Variants in NRXN1 observed in about 807,000 individuals in gnomAD.
NRXN1 encodes the protein neurexin-1.
NRXN1 carries 39 observed loss-of-function variants against 150.9 expected under a neutral mutation model. That is an observed-to-expected ratio of 0.26 (90% CI 0.20 to 0.34). The LOEUF (loss-of-function observed/expected upper bound fraction) is 0.34, where lower values mean the gene tolerates loss of function less well. NRXN1 is among the 10% of genes least tolerant of loss of function. NRXN1 has a pLI of 1.00. For synonymous variants in NRXN1, 924 were observed against 757.0 expected (o/e 1.22, Z -3.62); for missense variants, 1,815 against 1,949.9 (o/e 0.93, Z 1.30).
chr2:50,089,999 T>C (rs1699349837), intron 19 of NRXN1, among the ~76,000 whole-genome samples: 1 of 152,170 alleles, frequency 6.6e-6, no homozygotes, highest in Non-Finnish European at 1.5e-5. Flanking sequence ...TCCCAAGACA[T>C]CGATTCAGCA....
chr2:49,945,712 T>A (rs1672771695), intron 21 of NRXN1, among the ~76,000 whole-genome samples: 1 of 152,174 alleles, frequency 6.6e-6, no homozygotes, highest in Non-Finnish European at 1.5e-5. Flanking sequence ...ACAAGGGACA[T>A]GAACTCATCC....
intron 5 of NRXN1, among the ~76,000 whole-genome samples, chr2:50,637,084 A>AT (rs1415859453): frequency 2.0e-5 from 3 of 152,134 alleles, no homozygotes; most frequent in Non-Finnish European, 4.4e-5. Context: ...GGTTGGTGCT[A>AT]TATGTCCAAG....
chr2:50,640,741 A>T lies in NRXN1; in HGVS notation c.833-17126T>A, dbSNP rs535392197. Among the ~76,000 whole-genome samples the T allele has an allele frequency of 3.9e-5, 6 of 152,336 alleles. No individual in the cohort carries two copies. In the South Asian group the frequency reaches 1.2e-3, roughly 32 times the overall value. ...GACTTAGACAATCACATTTGCCCAG[A>T]TACAGAGAAATCCCTAATTAGCTAA... is the stretch of plus-strand genomic sequence containing the variant. On this transcript the variant is annotated intron_variant, in intron 5 of 22. Transcript: ENST00000401669.
chr2:50,422,275 C>T (rs1179813734), intron 17 of NRXN1, among the ~76,000 whole-genome samples: 1 of 152,082 alleles, frequency 6.6e-6, no homozygotes, highest in Non-Finnish European at 1.5e-5. Context: ...ACATAATTTC[C>T]TCTAAAACAC....
intron 18 of NRXN1, among the ~76,000 whole-genome samples, chr2:50,205,970 T>G (rs1365985574): frequency 3.9e-5 from 6 of 151,970 alleles, no homozygotes; most frequent in Non-Finnish European, 7.4e-5. Flanking sequence ...GGGATGTCTT[T>G]CAGGGGGTTC....
At chr2:50,102,934 G>GT (rs1404300999) in intron 18 of NRXN1, among the ~76,000 whole-genome samples, 10 of 152,052 alleles carry the variant, frequency 6.6e-5, no homozygotes, top group African/African-American at 2.4e-4. Context: ...GGAATAATGC[G>GT]TAACAAAAGT....
intron 17 of NRXN1, among the ~76,000 whole-genome samples, chr2:50,434,138 C>T (rs779213781): frequency 2.1e-4 from 31 of 145,368 alleles, no homozygotes; most frequent in Middle Eastern, 3.5e-3. Context: ...CCGCTCACTG[C>T]AAGCTCCGCC....
rs546697322 is a variant in NRXN1 at position 50,013,904 on chromosome 2, C to T, written c.4128+39367G>A. ...AGTGAATGCCTGACAATGGGGGAGT[C>T]GGAAGAGTGGTGTAATGACGGAATG... On this transcript the variant is annotated intron_variant, in intron 21 of 22. Coordinates refer to ENST00000401669, the MANE Select transcript of NRXN1 (RefSeq NM_001330078.2). Among the ~76,000 whole-genome samples, 10 of 152,032 alleles carry T rather than the reference C, an allele frequency of 6.6e-5. No individual in the cohort carries two copies. The East Asian group carries it at 1.2e-3, about 18-fold the overall frequency.
chr2:49,920,070 T>A lies in NRXN1; in HGVS notation c.*1874A>T, dbSNP rs1667927490. On this transcript the variant is annotated 3_prime_UTR_variant, in exon 23 of 23. Coordinates refer to ENST00000401669, the MANE Select transcript of NRXN1 (RefSeq NM_001330078.2). ...ACTTGCAATGTAATAATGCATTTTT[T>A]GCACTACCTTCTCATATTAGTAATT... 6.6e-6 allele frequency: 1 copy of A among 152,158 alleles called. No individual in the cohort carries two copies. Among genetic ancestry groups the A allele is most frequent in the African/African-American group, 2.4e-5 (1 of 41,414 alleles). The allele number at this position is 152,158 out of a possible 1,614,324, so 9.4% of individuals were successfully genotyped here. A position where few individuals can be genotyped will look rare whatever the true frequency, so the allele number is the denominator to read the frequency against.
At chr2:50,765,216 C>T (rs1322158276) in intron 5 of NRXN1, among the ~76,000 whole-genome samples, 8 of 152,064 alleles carry the variant, frequency 5.3e-5, no homozygotes, top group Middle Eastern at 3.4e-3. Flanking sequence ...TGTTCTAGTA[C>T]GCTTTACCAG....
chr2:50,476,479 G>A (rs1169478141), intron 15 of NRXN1, among the ~76,000 whole-genome samples: 1 of 151,876 alleles, frequency 6.6e-6, no homozygotes, highest in Non-Finnish European at 1.5e-5. Context: ...TACCTTGCAA[G>A]GCCATAAGGA....
At chr2:50,529,103 T>C (rs2093033343) in intron 11 of NRXN1, among the ~76,000 whole-genome samples, 1 of 152,210 alleles carries the variant, frequency 6.6e-6, no homozygotes, top group South Asian at 2.1e-4. Context: ...CCTTCAGAAT[T>C]GCAGTGGTCA....
intron 8 of NRXN1, chr2:50,619,570 T>C: frequency 4.6e-6 from 1 of 216,954 alleles, no homozygotes; most frequent in African/African-American, 2.3e-5. Flanking sequence ...TAGACTTATT[T>C]TGTTTTAGTT....
intron 5 of NRXN1, among the ~76,000 whole-genome samples, chr2:50,730,192 C>T (rs1333523893): frequency 6.6e-6 from 1 of 152,080 alleles, no homozygotes; most frequent in East Asian, 1.9e-4. Context: ...TCTCTTGAAA[C>T]AAGTTTCCTT....
intron 18 of NRXN1, among the ~76,000 whole-genome samples, chr2:50,145,588 T>C (rs17446158): frequency 0.11 from 16,539 of 151,714 alleles, 1,015 homozygotes; most frequent in Middle Eastern, 0.2. Flanking sequence ...TCTGCTTTTT[T>C]AGGGGAGAAG....
At chr2:50,077,128 T>C (rs1206627865) in intron 19 of NRXN1, among the ~76,000 whole-genome samples, 2 of 152,144 alleles carry the variant, frequency 1.3e-5, no homozygotes, top group African/African-American at 4.8e-5. Context: ...GTTAATGCAA[T>C]AATGTTTGTA....
intron 5 of NRXN1, among the ~76,000 whole-genome samples, chr2:50,725,654 A>C (rs545645561): frequency 6.6e-6 from 1 of 152,290 alleles, no homozygotes; most frequent in South Asian, 2.1e-4. Flanking sequence ...CCCTTCTTAC[A>C]ACAGCCAATC....
At chr2:50,228,289 G>A (rs2064599010) in intron 18 of NRXN1, among the ~76,000 whole-genome samples, 1 of 151,852 alleles carries the variant, frequency 6.6e-6, no homozygotes, top group Admixed American at 6.6e-5. Flanking sequence ...TTTTATATGA[G>A]TAGTAGAAAA....
At chr2:50,607,522 A>G (rs1352381356) in intron 8 of NRXN1, among the ~76,000 whole-genome samples, 4 of 152,200 alleles carry the variant, frequency 2.6e-5, no homozygotes, top group African/African-American at 9.7e-5. Flanking sequence ...ATTATATTAC[A>G]AAGTCATTAA....
Sources: allele counts gnomAD v4.1 joint callset (sites outside exome capture counted in the v4.1 genomes callset), GRCh38; gene constraint gnomAD v4.1.1; transcripts MANE v1.5; gene names NCBI Gene and HGNC (gene_info 2026-07-23, HGNC 2026-07-21).